Variants in NDUFAF6 observed in about 807,000 individuals in gnomAD.
The protein encoded by NDUFAF6 is NADH:ubiquinone oxidoreductase complex assembly factor 6, also known as NADH dehydrogenase (ubiquinone) complex I, assembly factor 6.
A neutral mutation model predicts 40.8 loss-of-function variants in NDUFAF6; 45 were observed. The observed-to-expected ratio is 1.10, with a 90% CI of 0.87 to 1.42. The LOEUF (loss-of-function observed/expected upper bound fraction) is 1.42. Ranked by LOEUF, NDUFAF6 falls within the 40% of genes most tolerant of loss-of-function variation. The pLI, the probability that NDUFAF6 is intolerant of heterozygous loss-of-function variation, is 0.00. For synonymous variants in NDUFAF6, 185 were observed against 155.9 expected, an observed-to-expected ratio of 1.19 and a Z score of -1.39; for missense variants, 435 against 418.5, an observed-to-expected ratio of 1.04 and a Z score of -0.34.
chr8:94,984,300 A>G (rs1307790856), intron 2 of NDUFAF6: 1 of 152,246 alleles, frequency 6.6e-6, no homozygotes, highest in African/African-American at 2.4e-5. Context: ...AGTTAAAAAA[A>G]CAGGGAGTTA....
At chr8:95,006,805 A>AG (rs959613045) in intron 2 of NDUFAF6, among the ~76,000 whole-genome samples, 13 of 151,940 alleles carry the variant, frequency 8.6e-5, no homozygotes, top group Admixed American at 7.9e-4. Context: ...ACTTGAGCCC[A>AG]GGAGGCGGAG....
intron 1 of NDUFAF6, among the ~76,000 whole-genome samples, chr8:94,967,927 C>A (rs573166615): frequency 1.5e-5 from 2 of 132,352 alleles, no homozygotes; most frequent in Admixed American, 1.6e-4. Flanking sequence ...TGCGACAGAG[C>A]GAGACTCTGT....
chr8:95,075,935 G>A (rs1833009524), exon 10 of NDUFAF6: 1 of 314,902 alleles, frequency 3.2e-6, no homozygotes, highest in Admixed American at 4.1e-5. Context: ...GGAAAGGAGA[G>A]CCACTTTGCT....
intron 2 of NDUFAF6, among the ~76,000 whole-genome samples, chr8:94,986,734 A>G (rs993818287): frequency 2.0e-4 from 30 of 152,358 alleles, no homozygotes; most frequent in African/African-American, 6.7e-4. Flanking sequence ...ACATACTGGA[A>G]AAATAGCATA....
intron 1 of NDUFAF6, among the ~76,000 whole-genome samples, chr8:94,971,734 C>T (rs900681612): frequency 3.3e-5 from 5 of 152,066 alleles, no homozygotes; most frequent in Non-Finnish European, 5.9e-5. Context: ...GTCAGGAGTT[C>T]GAGACCAGCC....
At chr8:95,080,797 T>C (rs1409928832), downstream of NDUFAF6, among the ~76,000 whole-genome samples, 2 of 152,152 alleles carry the variant, frequency 1.3e-5, no homozygotes, top group Non-Finnish European at 2.9e-5. Flanking sequence ...CATGAGCCAC[T>C]GTGCCCGGCC....
chr8:94,898,702 A>T (rs959241349), intron 1 of NDUFAF6, among the ~76,000 whole-genome samples: 1 of 152,138 alleles, frequency 6.6e-6, no homozygotes, highest in African/African-American at 2.4e-5. Context: ...GTGAGGAGTG[A>T]TCTTTTTTAG....
At chr8:94,997,327 CACACACACACACACACAGAGAG>C (rs1245628995) in intron 2 of NDUFAF6, among the ~76,000 whole-genome samples, 10 of 139,488 alleles carry the variant, frequency 7.2e-5, no homozygotes, top group East Asian at 2.1e-4. Context: ...CACACACACA[CACACACACACACACACAGAGAG>C]AGAGAGAGAG....
At chr8:94,983,341 C>T (rs1244178944) in intron 2 of NDUFAF6, among the ~76,000 whole-genome samples, 7 of 149,888 alleles carry the variant, frequency 4.7e-5, no homozygotes, top group Admixed American at 1.3e-4. Flanking sequence ...CTTGGCTCAC[C>T]GCAATCTCTG....
intron 1 of NDUFAF6, among the ~76,000 whole-genome samples, chr8:94,942,723 G>A (rs182310480): frequency 6.6e-6 from 1 of 152,176 alleles, no homozygotes; most frequent in Non-Finnish European, 1.5e-5. Context: ...TGTTCTCCAG[G>A]CTACCTGGGT....
chr8:95,079,949 T>TG, downstream of NDUFAF6, among the ~76,000 whole-genome samples: 1 of 141,588 alleles, frequency 7.1e-6, no homozygotes, highest in African/African-American at 2.6e-5. Flanking sequence ...AGTGTATTTT[T>TG]GTAGTGTATT....
At chr8:95,016,768 T>C (rs1462790143) in intron 2 of NDUFAF6, among the ~76,000 whole-genome samples, 1 of 151,820 alleles carries the variant, frequency 6.6e-6, no homozygotes, top group Non-Finnish European at 1.5e-5. Context: ...AAAACAAAAC[T>C]TGAACATCAT....
At chr8:95,032,180 A>G (rs867772057) in intron 2 of NDUFAF6, 86 bp downstream of exon 2, 3 of 1,162,014 alleles carry the variant, frequency 2.6e-6, no homozygotes, top group Middle Eastern at 4.0e-4. Context: ...TATAGTTGTA[A>G]TTTATATGTT....
At chr8:94,957,688 A>T (rs1232058959), upstream of NDUFAF6, among the ~76,000 whole-genome samples, 1 of 152,202 alleles carries the variant, frequency 6.6e-6, no homozygotes, top group Admixed American at 6.5e-5. Context: ...TAGTCTAAGA[A>T]GATGTGTGTT....
rs540824908 is a variant in NDUFAF6 at position 94,967,796 on chromosome 8, C to T, written c.-199+9617C>T. ...CTCTACTAAAAATATAAAAAATTAG[C>T]CAGGCGTGGTGGCATGTGCCTGTAA... On this transcript the variant is annotated intron_variant, in intron 1 of 9. Coordinates refer to the NDUFAF6 transcript ENST00000396111. 5.1e-4 allele frequency among the ~76,000 whole-genome samples: 77 copies of T among 152,142 alleles called. No individual in the cohort carries two copies. In the Middle Eastern group the frequency reaches 0.01, roughly 20 times the overall value.
At chr8:95,031,068 C>T (rs1828774118) in intron 1 of NDUFAF6, among the ~76,000 whole-genome samples, 2 of 152,238 alleles carry the variant, frequency 1.3e-5, no homozygotes, top group South Asian at 2.1e-4. Flanking sequence ...CCAAATACCT[C>T]CCACTAGGCC....
intron 2 of NDUFAF6, among the ~76,000 whole-genome samples, chr8:95,032,770 G>A (rs1280562694): frequency 1.3e-5 from 2 of 152,174 alleles, no homozygotes; most frequent in East Asian, 3.8e-4. Context: ...TTTTGACACA[G>A]ATTCTCAGGG....
chr8:94,999,636 C>T lies in NDUFAF6; in HGVS notation c.-84+18663C>T, dbSNP rs535026762. Among the ~76,000 whole-genome samples, 7 of 151,990 alleles carry T rather than the reference C, an allele frequency of 4.6e-5. No homozygotes were observed. In the East Asian group the frequency reaches 5.8e-4, roughly 13 times the overall value. ...TTTGCTATGTTGGCCAGGCTGGTCT[C>T]GAACTCCTGACCTTAGGTGATCCAC... On this transcript the variant is annotated intron_variant, in intron 2 of 9. Transcript: ENST00000396111.
Position 94,966,467 on chromosome 8 carries a change from G to A in NDUFAF6, c.-199+8288G>A, listed in dbSNP as rs574847561. ...AAATTAGCCAGGTGTGGTAGCACGCGCCTGTGGTCCCAGCTACTTGGGAGG... is the reference window on the plus strand; with the variant it reads ...AAATTAGCCAGGTGTGGTAGCACGCACCTGTGGTCCCAGCTACTTGGGAGG... On this transcript the variant is annotated intron_variant, in intron 1 of 9. Transcript: ENST00000396111. Among the ~76,000 whole-genome samples the A allele has an allele frequency of 4.6e-5, 7 of 152,198 alleles. No homozygotes were observed. In the South Asian group the frequency reaches 8.3e-4, roughly 18 times the overall value.
Sources: gnomAD v4.1 joint callset for allele counts (sites outside exome capture counted in the v4.1 genomes callset) on GRCh38, gnomAD v4.1.1 for gene constraint, MANE v1.5 for transcripts, NCBI Gene and HGNC (gene_info 2026-07-23, HGNC 2026-07-21) for gene names.